DAB2IP: variants seen among roughly 807,000 people sequenced by gnomAD.
The protein encoded by DAB2IP is DAB2 interacting protein.
Under a neutral mutation model 107.2 loss-of-function variants are expected in DAB2IP, and 28 were observed. The observed-to-expected ratio is 0.26, with a 90% confidence interval of 0.19 to 0.36. DAB2IP has a LOEUF of 0.36. Among genes scored for constraint, DAB2IP ranks in the 10% least tolerant of loss-of-function variants. The probability of loss-of-function intolerance (pLI) is 1.00; values close to 1 mark genes in which losing one functional copy is unlikely to be tolerated. For missense variants in DAB2IP, 1,400 were observed against 1,644.7 expected, an observed-to-expected ratio of 0.85 and a Z score of 2.57; for synonymous variants, 755 against 706.4, an observed-to-expected ratio of 1.07 and a Z score of -1.09.
chr9:121,750,322 C>T (rs971624403), intron 3 of DAB2IP, among the ~76,000 whole-genome samples: 32 of 151,934 alleles, frequency 2.1e-4, no homozygotes, highest in Admixed American at 5.9e-4. Context: ...CACTTGTGTG[C>T]GCGCGCGCGT....
At position 121,772,986 on chromosome 9, in the gene DAB2IP, C is replaced by T; in HGVS notation, c.2458C>T (p.Pro820Ser). 6.2e-7 allele frequency: 1 copy of T among 1,607,532 alleles called. No individual in the cohort carries two copies. Residue 820 changes from proline (P) to serine (S), a missense_variant, in exon 12 of 16, where the codon CCC becomes TCC. Physicochemically the swap from Pro to Ser is moderately conservative, Grantham distance 74. Around this residue, in one of 3 missense-constraint regions of DAB2IP, gnomAD observed 600 missense variants for 659.1 expected, o/e 0.91. Transcript: ENST00000408936. The surrounding 1 kb of genome is among the most constrained non-coding windows in gnomAD (Gnocchi z 4.7). ...CACCTCCGAGGGCGCGCCAGGCCGG[C>T]CCCAGCTGTTGGCACCGCTCTCCTT...
intron 3 of DAB2IP, among the ~76,000 whole-genome samples, chr9:121,743,381 C>T (rs1383954782): frequency 6.6e-6 from 1 of 152,154 alleles, no homozygotes; most frequent in Non-Finnish European, 1.5e-5. Context: ...AAATCTTCCT[C>T]AGAAGCCGAG....
chr9:121,576,588 T>C (rs1830061949), intron 1 of DAB2IP, among the ~76,000 whole-genome samples: 1 of 152,158 alleles, frequency 6.6e-6, no homozygotes, highest in Non-Finnish European at 1.5e-5. Flanking sequence ...CTTTACTGTT[T>C]GTCCCCATCT....
intron 6 of DAB2IP, among the ~76,000 whole-genome samples, chr9:121,763,124 A>G (rs1183775429): frequency 6.6e-6 from 1 of 152,164 alleles, no homozygotes; most frequent in Admixed American, 6.5e-5. Context: ...CCTCTTTGGC[A>G]CTGATGGTGC....
exon 1 of DAB2IP, chr9:121,567,186 GC>G (rs779450388): frequency 1.2e-6 from 2 of 1,614,016 alleles, no homozygotes; most frequent in South Asian, 2.2e-5. Flanking sequence ...GGGCCCACAC[GC>G]CATGGAGCCC....
At chr9:121,700,649 C>T (rs1829722898) in intron 3 of DAB2IP, among the ~76,000 whole-genome samples, 1 of 152,192 alleles carries the variant, frequency 6.6e-6, no homozygotes, top group African/African-American at 2.4e-5. Flanking sequence ...AGCCCAACTC[C>T]TGCCCAAGGT....
chr9:121,697,756 A>C (rs1261586731), intron 2 of DAB2IP, among the ~76,000 whole-genome samples: 2 of 152,272 alleles, frequency 1.3e-5, no homozygotes, highest in East Asian at 3.9e-4. Flanking sequence ...CTGGGCCTTG[A>C]AGGACACGCA....
chr9:121,740,160 G>A (rs1367372462), intron 3 of DAB2IP, among the ~76,000 whole-genome samples: 23 of 152,246 alleles, frequency 1.5e-4, no homozygotes, highest in South Asian at 2.1e-4. Flanking sequence ...GGAGGGCCAG[G>A]GAGGGGCCTG....
chr9:121,736,464 G>A lies in DAB2IP; in HGVS notation c.363-20549G>A, dbSNP rs1480070395. ...CGCAGCGGCGGGTCGCTAGCGGGAA[G>A]TGGCTGCAGCTGGAGGCAGCTGGCC... On this transcript the variant is annotated intron_variant, in intron 3 of 15. Coordinates refer to ENST00000408936, the Ensembl canonical transcript of DAB2IP. The surrounding 1 kb of genome is among the most constrained non-coding windows in gnomAD (Gnocchi z 4.6). Among the ~76,000 whole-genome samples, 2 of 152,156 alleles carry A rather than the reference G, an allele frequency of 1.3e-5. No homozygotes were observed. The highest frequency in any genetic ancestry group is 2.4e-5 in the African/African-American group (1 of 41,522).
rs375590695 is a variant in DAB2IP, at chr9:121,781,557, G to A, written c.3402+6G>A. 2 of 1,613,552 alleles carry A rather than the reference G, an allele frequency of 1.2e-6. No individual in the cohort carries two copies. Among genetic ancestry groups the A allele is most frequent in the South Asian group, 1.1e-5 (1 of 91,086 alleles). ...AGAAGATCATTGATGCCCAGGTGGGGGCTCCGGCCCTTTGGTCAGCCACAA... is the reference window on the plus strand; with the variant it reads ...AGAAGATCATTGATGCCCAGGTGGGAGCTCCGGCCCTTTGGTCAGCCACAA... On this transcript the variant is annotated splice_donor_region_variant and intron_variant, in intron 15 of 15. Transcript: ENST00000408936.
exon 16 of DAB2IP, chr9:121,783,623 G>A (rs369596579): frequency 4.5e-6 from 7 of 1,561,604 alleles, no homozygotes; most frequent in Admixed American, 1.7e-5. Flanking sequence ...GGGAAATAGC[G>A]GCCCTGGAGG....
intron 3 of DAB2IP, among the ~76,000 whole-genome samples, chr9:121,741,963 C>T (rs1026788808): frequency 2.0e-5 from 3 of 152,112 alleles, no homozygotes; most frequent in Non-Finnish European, 2.9e-5. Flanking sequence ...CGGGTTTGAA[C>T]ATAGCCTGGC....
chr9:121,777,351 C>CTCCATTTACTTGTAG, intron 14 of DAB2IP, among the ~76,000 whole-genome samples: 1 of 152,346 alleles, frequency 6.6e-6, no homozygotes, highest in African/African-American at 2.4e-5. Context: ...CTGTTGTTTG[C>CTCCATTTACTTGTAG]TCCATTTACT....
rs530475573 is a variant in DAB2IP at position 121,592,056 on chromosome 9, C to T, written c.40+24828C>T. ...ACAAGGAGGTCATTGGTGACCTTCCCGAGAGCCATTAGGAAATACTGCAGA... is the reference window on the plus strand; with the variant it reads ...ACAAGGAGGTCATTGGTGACCTTCCTGAGAGCCATTAGGAAATACTGCAGA... On this transcript the variant is annotated intron_variant, in intron 1 of 16. Transcript: ENST00000259371. Among the ~76,000 whole-genome samples the T allele has an allele frequency of 5.3e-5, 8 of 152,198 alleles. No homozygotes were observed. In the South Asian group the frequency reaches 6.2e-4, roughly 12 times the overall value.
At chr9:121,746,658 C>T (rs935234588) in intron 3 of DAB2IP, among the ~76,000 whole-genome samples, 2 of 152,178 alleles carry the variant, frequency 1.3e-5, no homozygotes, top group Non-Finnish European at 1.5e-5. Flanking sequence ...CCCCCGCATT[C>T]TAGGGGGGGC....
At chr9:121,722,274 T>G (rs1489906696) in intron 3 of DAB2IP, among the ~76,000 whole-genome samples, 2 of 152,122 alleles carry the variant, frequency 1.3e-5, no homozygotes, top group Non-Finnish European at 2.9e-5. Context: ...CAAGAACACC[T>G]AAAAACCCTT....
At chr9:121,783,778 G>A (rs548156027) in exon 16 of DAB2IP, 12 of 610,446 alleles carry the variant, frequency 2.0e-5, no homozygotes, top group Admixed American at 5.8e-5. Flanking sequence ...AGCTGGGGCC[G>A]GTTTTCCTCA....
At chr9:121,717,784 C>T (rs1830688839) in intron 3 of DAB2IP, among the ~76,000 whole-genome samples, 1 of 152,222 alleles carries the variant, frequency 6.6e-6, no homozygotes, top group Non-Finnish European at 1.5e-5. Context: ...CTTCCCCTCC[C>T]CCTCCAGTCC....
At chr9:121,597,336 T>A (rs1327826665) in intron 1 of DAB2IP, among the ~76,000 whole-genome samples, 2 of 152,182 alleles carry the variant, frequency 1.3e-5, no homozygotes, top group Non-Finnish European at 2.9e-5. Flanking sequence ...ATATGGACAT[T>A]CTATTGCTCT....
Sources: allele counts gnomAD v4.1 joint callset (sites outside exome capture counted in the v4.1 genomes callset), GRCh38; gene constraint gnomAD v4.1.1; regional missense constraint gnomAD v4.1.1; non-coding constraint Gnocchi (gnomAD v3.1); transcripts MANE v1.5; gene names NCBI Gene and HGNC (gene_info 2026-07-23, HGNC 2026-07-21).